Variants in PREX2 observed in about 807,000 individuals in gnomAD.
PREX2 encodes phosphatidylinositol 3,4,5-trisphosphate-dependent Rac exchanger 2 protein.
PREX2 carries 107 observed loss-of-function variants against 203.2 expected under a neutral mutation model. The observed-to-expected ratio is 0.53, with a 90% CI of 0.45 to 0.62. PREX2 has a LOEUF of 0.62. Among genes scored for constraint, PREX2 ranks in the 20% least tolerant of loss-of-function variants. PREX2 has a pLI of 0.00. For synonymous variants in PREX2, 672 were observed against 663.6 expected (o/e 1.01, Z -0.19); for missense variants, 1,777 against 1,955.9 (o/e 0.91, Z 1.72).
At chr8:68,211,654 T>A (rs16934321) in intron 37 of PREX2, among the ~76,000 whole-genome samples, 1 of 152,102 alleles carries the variant, frequency 6.6e-6, no homozygotes, top group African/African-American at 2.4e-5. Context: ...CTTCAAACCC[T>A]TCTGTTGTCA....
chr8:68,103,353 G>T (rs539622331), intron 23 of PREX2, among the ~76,000 whole-genome samples: 241 of 152,296 alleles, frequency 1.6e-3, no homozygotes, highest in African/African-American at 5.3e-3. Flanking sequence ...GCTTACCATT[G>T]TATTATTTCA....
chr8:68,083,444 C>A, intron 18 of PREX2, 56 bp downstream of exon 18: 2 of 1,331,852 alleles, frequency 1.5e-6, no homozygotes, highest in Non-Finnish European at 2.1e-6. Context: ...ATAAGTAACA[C>A]AGAAAAGATA....
At chr8:68,074,762 T>G (rs16934154) in intron 14 of PREX2, among the ~76,000 whole-genome samples, 1 of 152,062 alleles carries the variant, frequency 6.6e-6, no homozygotes, top group Admixed American at 6.5e-5. Context: ...CAGTATGGAC[T>G]GAGACACTGA....
At chr8:68,161,364 A>G (rs1585836926) in intron 35 of PREX2, among the ~76,000 whole-genome samples, 1 of 152,244 alleles carries the variant, frequency 6.6e-6, no homozygotes, top group African/African-American at 2.4e-5. Context: ...AAGTGTTGGG[A>G]TTACAAGCGT....
intron 23 of PREX2, chr8:68,105,278 AATATCCC>A (rs1278504838): frequency 7.3e-7 from 1 of 1,367,782 alleles, no homozygotes; most frequent in Non-Finnish European, 9.8e-7. Flanking sequence ...CTCTCTTAGG[AATATCCC>A]AGGATGGAAG....
rs1810786346 is a variant in PREX2, at chr8:68,122,106, GAGTT to G, written c.3724+1061_3724+1064del. ...CAACCCCTTATATCAAATGGAGTCTGAGTTAGTCACTTAACTCTTTTAGGCTTCA... is the reference window on the plus strand; with the variant it reads ...CAACCCCTTATATCAAATGGAGTCTGAGTCACTTAACTCTTTTAGGCTTCA... On this transcript the variant is annotated intron_variant, in intron 30 of 39. Transcript: ENST00000288368. 4.6e-5 allele frequency among the ~76,000 whole-genome samples: 7 copies of G among 152,176 alleles called. No homozygotes were observed. The South Asian group carries it at 1.4e-3, about 32-fold the overall frequency.
At chr8:68,225,928 A>G (rs1052508319) in intron 39 of PREX2, among the ~76,000 whole-genome samples, 8 of 152,198 alleles carry the variant, frequency 5.3e-5, no homozygotes, top group Admixed American at 2.6e-4. Context: ...TCTTAGCTAG[A>G]CCTATAAACA....
intron 31 of PREX2, among the ~76,000 whole-genome samples, chr8:68,130,764 G>A (rs1442143970): frequency 6.6e-6 from 1 of 152,138 alleles, no homozygotes; most frequent in Non-Finnish European, 1.5e-5. Context: ...GGTTGCTTGG[G>A]AACACAGACT....
intron 25 of PREX2, chr8:68,114,285 T>C: frequency 7.9e-6 from 4 of 507,740 alleles, no homozygotes; most frequent in Non-Finnish European, 1.6e-5. Context: ...TTTGACATTA[T>C]GGAATATGCG....
In PREX2 at chr8:68,055,547, A is replaced by G. The variant is rs190067150; in HGVS notation, c.1094-283A>G. On this transcript the variant is annotated intron_variant, in intron 9 of 39. Transcript: ENST00000288368. ...AGCAAGGGTGCCTGGTCCAGGGCTC[A>G]ATGGAAGCTGAGACTCAGCTGCTCT... 1.7e-3 allele frequency among the ~76,000 whole-genome samples: 260 copies of G among 152,194 alleles called. 3 individuals are homozygous for G. Among genetic ancestry groups the G allele is most frequent in the Admixed American group, 0.017 (253 of 15,284 alleles).
chr8:68,175,911 A>T (rs13262378), intron 35 of PREX2, among the ~76,000 whole-genome samples: 1 of 152,030 alleles, frequency 6.6e-6, no homozygotes, highest in Non-Finnish European at 1.5e-5. Context: ...AGAGCTTAGT[A>T]TATTTTCTTT....
chr8:68,025,367 G>A (rs1248717976), intron 4 of PREX2, among the ~76,000 whole-genome samples: 2 of 151,694 alleles, frequency 1.3e-5, no homozygotes, highest in Admixed American at 6.6e-5. Context: ...TAAGGCATCT[G>A]CTATAATTGT....
chr8:68,117,050 C>T (rs898477896), intron 26 of PREX2, among the ~76,000 whole-genome samples: 2 of 152,192 alleles, frequency 1.3e-5, no homozygotes, highest in African/African-American at 4.8e-5. Context: ...CAGAAACTAT[C>T]TTCTTCACTC....
chr8:68,185,460 T>C (rs926407760), intron 35 of PREX2, among the ~76,000 whole-genome samples: 10 of 152,176 alleles, frequency 6.6e-5, no homozygotes, highest in Admixed American at 6.6e-4. Context: ...ATTCTACCCA[T>C]GCGTCAAAGT....
intron 35 of PREX2, among the ~76,000 whole-genome samples, chr8:68,158,297 A>C (rs1375039172): frequency 6.6e-6 from 1 of 152,026 alleles, no homozygotes; most frequent in Non-Finnish European, 1.5e-5. Flanking sequence ...GCCTTAATAA[A>C]TCAAAAATAC....
rs144165893 is a variant in PREX2 at position 68,008,424 on chromosome 8, A to G, written c.142-9422A>G. ...ATGTTGAATGAAGAGGGTAAAGACAATATTTGGTCATGAGAGAAGGAGAGA... is the reference window on the plus strand; with the variant it reads ...ATGTTGAATGAAGAGGGTAAAGACAGTATTTGGTCATGAGAGAAGGAGAGA... On this transcript the variant is annotated intron_variant, in intron 1 of 39. Transcript: ENST00000288368. 3.3e-5 allele frequency among the ~76,000 whole-genome samples: 4 copies of G among 122,148 alleles called. No homozygotes were observed. In the East Asian group the frequency reaches 6.0e-4, roughly 18 times the overall value. 80.1% of individuals were successfully genotyped at this position (122,148 alleles called of 152,430 possible). A position where few individuals can be genotyped will look rare whatever the true frequency, so the allele number is the denominator to read the frequency against.
intron 1 of PREX2, among the ~76,000 whole-genome samples, chr8:67,955,607 G>A (rs28431199): frequency 0.036 from 5,427 of 152,226 alleles, 112 homozygotes; most frequent in African/African-American, 0.065. Flanking sequence ...GTTGATGTGT[G>A]CATTTGTTTA....
chr8:68,142,408 T>C (rs1292444057), intron 33 of PREX2, among the ~76,000 whole-genome samples: 1 of 152,196 alleles, frequency 6.6e-6, no homozygotes, highest in Non-Finnish European at 1.5e-5. Flanking sequence ...GCTTTTCAGA[T>C]TGTCTTCTCT....
At chr8:68,168,660 T>G (rs1458311753) in intron 35 of PREX2, among the ~76,000 whole-genome samples, 2 of 152,204 alleles carry the variant, frequency 1.3e-5, no homozygotes, top group African/African-American at 2.4e-5. Flanking sequence ...GATTTCTTCC[T>G]TTATTTTTCC....
Sources: gnomAD v4.1 joint callset for allele counts (sites outside exome capture counted in the v4.1 genomes callset) on GRCh38, gnomAD v4.1.1 for gene constraint, MANE v1.5 for transcripts, NCBI Gene and HGNC (gene_info 2026-07-23, HGNC 2026-07-21) for gene names.